The following DPYSL5 variants were observed in gnomAD, a reference collection of about 807,000 sequenced individuals.
DPYSL5 encodes the protein dihydropyrimidinase-related protein 5.
DPYSL5 carries 9 observed loss-of-function variants against 58.4 expected under a neutral mutation model. The ratio of observed to expected loss-of-function variants is 0.15; its 90% confidence interval spans 0.09 to 0.27. The LOEUF is 0.27. DPYSL5 is among the 10% of genes least tolerant of loss of function. The probability of loss-of-function intolerance (pLI) is 1.00; values close to 1 mark genes in which losing one functional copy is unlikely to be tolerated. For synonymous variants in DPYSL5, 293 were observed against 301.9 expected, an observed-to-expected ratio of 0.97 and a Z score of 0.31; for missense variants, 499 against 770.6, an observed-to-expected ratio of 0.65 and a Z score of 4.17.
At chr2:26,865,398 G>A (rs1482663340) in intron 1 of DPYSL5, among the ~76,000 whole-genome samples, 1 of 143,342 alleles carries the variant, frequency 7.0e-6, no homozygotes, top group African/African-American at 2.6e-5. Flanking sequence ...TCAGCTCACT[G>A]CAACCTCCGC....
chr2:26,942,737 T>A lies in DPYSL5; in HGVS notation c.1427T>A (p.Val476Asp), dbSNP rs747895196. The A allele has an allele frequency of 1.9e-6, 3 of 1,613,834 alleles. No individual in the cohort carries two copies. The highest frequency in any genetic ancestry group is 2.5e-6 in the Non-Finnish European group (3 of 1,179,856). The change falls in exon 11 of 13, where the codon GTC (valine) becomes GAC (aspartate). Residue 476 changes from valine (V) to aspartate (D), a missense_variant. This residue lies in a region of DPYSL5 where 62 missense variants were observed against 59.2 expected (regional missense o/e 1.05). Transcript: ENST00000288699. The surrounding 1 kb of genome is among the most constrained non-coding windows in gnomAD (Gnocchi z 5.9). ...CCAGACACTGTCTACAAGAAGCTGG[T>A]CCAGAGAGAGAAGGTGAGGTGGGAG... Reference protein sequence around the residue: ...SFPDTVYKKLVQREKTLKVRG... With the variant: ...SFPDTVYKKLDQREKTLKVRG...
At chr2:26,850,382 C>T (rs1325781565) in intron 1 of DPYSL5, among the ~76,000 whole-genome samples, 1 of 152,138 alleles carries the variant, frequency 6.6e-6, no homozygotes, top group East Asian at 1.9e-4. Context: ...GCCTCTCGCC[C>T]GCCGTCTAAA....
At chr2:26,859,133 G>A (rs374241199) in intron 1 of DPYSL5, among the ~76,000 whole-genome samples, 20 of 152,090 alleles carry the variant, frequency 1.3e-4, no homozygotes, top group East Asian at 1.2e-3. Flanking sequence ...CTTCAGTTCC[G>A]TTGGAATGTA....
At chr2:26,928,183 C>G (rs1664874226) in intron 4 of DPYSL5, 72 bp from the exon 5 acceptor site, 2 of 1,492,344 alleles carry the variant, frequency 1.3e-6, no homozygotes, top group African/African-American at 1.4e-5. Flanking sequence ...TTTCACTGTC[C>G]CTTGGGTTCA....
chr2:26,931,201 G>GTTTATATATATATATA (rs1161770394), intron 5 of DPYSL5, among the ~76,000 whole-genome samples: 1 of 54,560 alleles, frequency 1.8e-5, no homozygotes, highest in Non-Finnish European at 3.8e-5. Context: ...GTGTGTGTGT[G>GTTTATATATATATATA]TGTATATATA....
At chr2:26,881,523 T>C (rs1440488610) in intron 1 of DPYSL5, among the ~76,000 whole-genome samples, 1 of 152,210 alleles carries the variant, frequency 6.6e-6, no homozygotes, top group Non-Finnish European at 1.5e-5. Context: ...TTAGGAATTC[T>C]GGACTGGTGT....
intron 8 of DPYSL5, among the ~76,000 whole-genome samples, chr2:26,935,914 A>T (rs1220333750): frequency 6.6e-6 from 1 of 152,134 alleles, no homozygotes; most frequent in Non-Finnish European, 1.5e-5. Flanking sequence ...GTGAACAAGG[A>T]CCTGCACAAG....
intron 8 of DPYSL5, chr2:26,939,554 C>G (rs1665264614): frequency 6.2e-6 from 1 of 161,052 alleles, no homozygotes; most frequent in African/African-American, 2.4e-5. Context: ...CCCTCCTTCC[C>G]CTTCTGGGCC....
intron 1 of DPYSL5, among the ~76,000 whole-genome samples, chr2:26,855,369 C>CA (rs1358130736): frequency 1.3e-5 from 2 of 151,946 alleles, no homozygotes; most frequent in Non-Finnish European, 2.9e-5. Flanking sequence ...GCAGAGGCTG[C>CA]AGTGAGCCCA....
rs150180865 is a variant in DPYSL5, at chr2:26,898,740, G to A, written c.241G>A (p.Asp81Asn). 2.7e-5 allele frequency: 44 copies of A among 1,611,124 alleles called. No individual in the cohort carries two copies. Among genetic ancestry groups the A allele is most frequent in the Non-Finnish European group, 3.0e-5 (35 of 1,177,822 alleles). ...QTFMNATCVD[D>N]FYHGTKAALV... Reference sequence around the variant, plus strand: ...CTTCATGAATGCCACGTGCGTGGACGACTTCTACCATGGGACCAAGGTAAT... The same window carrying A: ...CTTCATGAATGCCACGTGCGTGGACAACTTCTACCATGGGACCAAGGTAAT... Residue 81 changes from aspartate (D) to asparagine (N), a missense_variant, in exon 2 of 13, where the codon GAC becomes AAC. Transcript: ENST00000288699. The surrounding 1 kb of genome is among the most constrained non-coding windows in gnomAD (Gnocchi z 6.1).
At position 26,942,818 on chromosome 2, in the gene DPYSL5, T is replaced by C; in HGVS notation, c.1440+68T>C. 1 of 1,550,108 alleles carries C rather than the reference T, an allele frequency of 6.5e-7. No homozygotes were observed. Among genetic ancestry groups the C allele is most frequent in the Non-Finnish European group, 8.9e-7 (1 of 1,129,868 alleles). On this transcript the variant is annotated intron_variant, in intron 11 of 12. Coordinates refer to ENST00000288699, the MANE Select transcript of DPYSL5 (RefSeq NM_020134.4). The surrounding 1 kb of genome is among the most constrained non-coding windows in gnomAD (Gnocchi z 5.9). ...GCCGGGGAACATCCTCCATGACTGT[T>C]TTAAATCTCAAAGAGATGTTCACTC...
At chr2:26,926,684 C>G (rs997758945) in intron 3 of DPYSL5, among the ~76,000 whole-genome samples, 1 of 152,156 alleles carries the variant, frequency 6.6e-6, no homozygotes, top group African/African-American at 2.4e-5. Context: ...CATGAACCAG[C>G]AATATAATGG....
rs1665113550 is a variant in DPYSL5, at chr2:26,934,220, C to T, written c.791-358C>T. On this transcript the variant is annotated intron_variant, in intron 7 of 12. Transcript: ENST00000288699. This position sits in a 1 kb window ranked among gnomAD's most constrained non-coding sequence, Gnocchi z 4.3. The stretch of plus-strand genomic sequence containing the variant: ...TGTCCAGAAAACAGTCTAGACTGCT[C>T]TTTAGCGTGGCATTCGTGGCCCTGC... Among the ~76,000 whole-genome samples, 1 of 152,234 alleles carries T rather than the reference C, an allele frequency of 6.6e-6. No homozygotes were observed. The highest frequency in any genetic ancestry group is 1.5e-5 in the Non-Finnish European group (1 of 68,050).
Position 26,924,769 on chromosome 2 carries a change from A to G in DPYSL5, c.262-118A>G. ...CCAAACCTCGCTGCCCTTGGTCCTCACAGCCTCTTGTGAGGCAGGGCCTGT... is the reference window on the plus strand; with the variant it reads ...CCAAACCTCGCTGCCCTTGGTCCTCGCAGCCTCTTGTGAGGCAGGGCCTGT... On this transcript the variant is annotated intron_variant, in intron 2 of 12. Transcript: ENST00000288699. The surrounding 1 kb of genome is among the most constrained non-coding windows in gnomAD (Gnocchi z 4.7). 1.4e-6 allele frequency: 2 copies of G among 1,382,850 alleles called. No individual in the cohort carries two copies. The highest frequency in any genetic ancestry group is 5.2e-5 in the Admixed American group (2 of 38,278). The allele number at this position is 1,382,850 out of a possible 1,614,324, so 85.7% of individuals were successfully genotyped here. A position where few individuals can be genotyped will look rare whatever the true frequency, so the allele number is the denominator to read the frequency against.
chr2:26,931,203 GTATATATATATATATATATA>G (rs373034710), intron 5 of DPYSL5, among the ~76,000 whole-genome samples: 32 of 44,934 alleles, frequency 7.1e-4, no homozygotes, highest in African/African-American at 2.4e-3. Flanking sequence ...GTGTGTGTGT[GTATATATATATATATATATA>G]TATATATGAA....
intron 2 of DPYSL5, among the ~76,000 whole-genome samples, chr2:26,919,935 C>T (rs1664663004): frequency 6.6e-6 from 1 of 152,100 alleles, no homozygotes; most frequent in African/African-American, 2.4e-5. Flanking sequence ...AATAAATCTA[C>T]ATAAATAAAT....
chr2:26,916,202 T>C (rs1255193892), intron 2 of DPYSL5, among the ~76,000 whole-genome samples: 4 of 152,132 alleles, frequency 2.6e-5, no homozygotes, highest in Non-Finnish European at 4.4e-5. Context: ...ATGAATCACA[T>C]ATGTCTCTTC....
chr2:26,872,974 G>A (rs1663309787), intron 1 of DPYSL5, among the ~76,000 whole-genome samples: 1 of 152,140 alleles, frequency 6.6e-6, no homozygotes, highest in Non-Finnish European at 1.5e-5. Flanking sequence ...TATTTAGACT[G>A]AAACCTCTTT....
intron 1 of DPYSL5, among the ~76,000 whole-genome samples, chr2:26,864,256 G>T (rs1160180464): frequency 2.0e-5 from 3 of 152,148 alleles, no homozygotes; most frequent in Non-Finnish European, 4.4e-5. Flanking sequence ...TAAAAGAAAA[G>T]AAATTACACA....
Sources: allele counts gnomAD v4.1 joint callset (sites outside exome capture counted in the v4.1 genomes callset), GRCh38; gene constraint gnomAD v4.1.1; regional missense constraint gnomAD v4.1.1; non-coding constraint Gnocchi (gnomAD v3.1); transcripts MANE v1.5; gene names NCBI Gene and HGNC (gene_info 2026-07-23, HGNC 2026-07-21).